The following SLC26A3 variants were observed in gnomAD, a reference collection of about 807,000 sequenced individuals.
SLC26A3 encodes the protein solute carrier family 26 member 3, also known as chloride anion exchanger.
SLC26A3 carries 64 observed loss-of-function variants against 85.6 expected under a neutral mutation model. The observed-to-expected ratio is 0.75, with a 90% confidence interval of 0.61 to 0.92. SLC26A3 has a LOEUF of 0.92. SLC26A3 is among the 40% of genes least tolerant of loss of function. The pLI is 0.00. For synonymous variants in SLC26A3, 349 were observed against 336.0 expected (o/e 1.04, Z -0.42); for missense variants, 922 against 927.3 (o/e 0.99, Z 0.07).
chr7:107,793,433 T>C (rs775851835), intron 3 of SLC26A3, among the ~76,000 whole-genome samples: 6 of 152,156 alleles, frequency 3.9e-5, no homozygotes, highest in Non-Finnish European at 7.3e-5. Context: ...GAAGTACCAA[T>C]ACATGCTACA....
intron 16 of SLC26A3, 21 bp from the exon 17 acceptor site, chr7:107,774,174 T>G: frequency 6.4e-7 from 1 of 1,566,140 alleles, no homozygotes; most frequent in Non-Finnish European, 8.8e-7. Context: ...GGATAACAAG[T>G]ATGAAAACTG....
In SLC26A3 at chr7:107,778,412, A is replaced by ATTT. The variant is rs1284600991; in HGVS notation, c.1408-134_1408-132dup. 31 of 639,160 alleles carry ATTT rather than the reference A, an allele frequency of 4.9e-5. No individual in the cohort carries two copies. In the African/African-American group the frequency reaches 6.2e-4, roughly 13 times the overall value. The allele number at this position is 639,160 out of a possible 1,614,324, so 39.6% of individuals were successfully genotyped here. ...GTGAGACCTTGTCCCTATAAAAAAAATTTAAAAATTTGCCAGACGTGGTGG... is the reference window on the plus strand; with the variant it reads ...GTGAGACCTTGTCCCTATAAAAAAAATTTTTTAAAAATTTGCCAGACGTGGTGG... On this transcript the variant is annotated intron_variant, in intron 12 of 20. Coordinates refer to ENST00000340010, the MANE Select transcript of SLC26A3 (RefSeq NM_000111.3).
In SLC26A3 at chr7:107,765,896, G is replaced by A; in HGVS notation, c.2272-18C>T. The A allele has an allele frequency of 1.2e-6, 2 of 1,606,934 alleles. No homozygotes were observed. The highest frequency in any genetic ancestry group is 1.7e-6 in the Non-Finnish European group (2 of 1,173,980). ...ACTGGCACCTGGAAGAAGACAGAAAGTTCTTGTTTTAAAATACTCGTCAAG... is the reference window on the plus strand; with the variant it reads ...ACTGGCACCTGGAAGAAGACAGAAAATTCTTGTTTTAAAATACTCGTCAAG... On this transcript the variant is annotated intron_variant, in intron 20 of 20. Coordinates refer to ENST00000340010, the MANE Select transcript of SLC26A3 (RefSeq NM_000111.3).
Position 107,782,668 on chromosome 7 carries a change from G to T in SLC26A3, c.1311+129C>A, listed in dbSNP as rs150801503. The T allele has an allele frequency of 3.2e-4, 296 of 912,274 alleles. No homozygotes were observed. In the African/African-American group the frequency reaches 4.0e-3, roughly 12 times the overall value. The allele number at this position is 912,274 out of a possible 1,614,324, so 56.5% of individuals were successfully genotyped here. ...TATTTTTGGCTCATACAGAGTATTG[G>T]CTAAGAAGAGTACTTGAGAGTTTGT... On this transcript the variant is annotated intron_variant, in intron 11 of 20. Transcript: ENST00000340010.
chr7:107,783,879 C>T (rs981306897), intron 8 of SLC26A3, among the ~76,000 whole-genome samples: 1 of 152,190 alleles, frequency 6.6e-6, no homozygotes. Context: ...CTAGAGACAA[C>T]CATGACCCTA....
At chr7:107,770,611 T>G (rs1318424394) in intron 18 of SLC26A3, among the ~76,000 whole-genome samples, 1 of 152,172 alleles carries the variant, frequency 6.6e-6, no homozygotes, top group Non-Finnish European at 1.5e-5. Flanking sequence ...TGAAATATGC[T>G]TTTGTTTGTT....
At chr7:107,765,965 G>T in intron 20 of SLC26A3, 87 bp from the exon 21 acceptor site, 2 of 1,128,844 alleles carry the variant, frequency 1.8e-6, no homozygotes, top group African/African-American at 1.6e-5. Flanking sequence ...ATTTACCAGA[G>T]TTAACAGGTT....
chr7:107,776,808 A>C, intron 13 of SLC26A3, 102 bp from the exon 14 acceptor site: 1 of 1,024,666 alleles, frequency 9.8e-7, no homozygotes, highest in Non-Finnish European at 1.5e-6. Context: ...CTCACTTTTC[A>C]AAATGTAAAA....
chr7:107,791,272 C>T (rs1227134481), intron 4 of SLC26A3, 37 bp from the exon 5 acceptor site: 1 of 1,578,194 alleles, frequency 6.3e-7, no homozygotes, highest in East Asian at 2.2e-5. Context: ...CAGTATATGC[C>T]TCTCTAAAGC....
Position 107,765,849 on chromosome 7 carries a change from T to C in SLC26A3, c.*6A>G. 1 of 1,608,058 alleles carries C rather than the reference T, an allele frequency of 6.2e-7. No individual in the cohort carries two copies. The highest frequency in any genetic ancestry group is 8.5e-7 in the Non-Finnish European group (1 of 1,174,844). On this transcript the variant is annotated 3_prime_UTR_variant, in exon 21 of 21. Transcript: ENST00000340010. Reference sequence around the variant, plus strand: ...CAGATGAAGATCCTTCTGAATTATATGTTGATTAGAATTTTGTTTCAACTG... The same window carrying C: ...CAGATGAAGATCCTTCTGAATTATACGTTGATTAGAATTTTGTTTCAACTG...
chr7:107,769,399 A>C (rs1038674614), intron 18 of SLC26A3, among the ~76,000 whole-genome samples: 1 of 152,010 alleles, frequency 6.6e-6, no homozygotes, highest in Non-Finnish European at 1.5e-5. Context: ...AAAACATATA[A>C]AAAAATTAAA....
chr7:107,797,650 C>T (rs920278739), intron 1 of SLC26A3, among the ~76,000 whole-genome samples: 2 of 152,048 alleles, frequency 1.3e-5, no homozygotes, highest in African/African-American at 4.8e-5. Context: ...ATCAACTACC[C>T]CAATGGTGCC....
intron 11 of SLC26A3, among the ~76,000 whole-genome samples, chr7:107,782,473 T>C (rs1179614156): frequency 6.6e-6 from 1 of 152,114 alleles, no homozygotes; most frequent in East Asian, 1.9e-4. Context: ...CCTTAACCTT[T>C]AAGAAAACCT....
At chr7:107,787,879 T>C (rs1794324878) in intron 6 of SLC26A3, among the ~76,000 whole-genome samples, 1 of 152,238 alleles carries the variant, frequency 6.6e-6, no homozygotes, top group Non-Finnish European at 1.5e-5. Context: ...CACTACTCTG[T>C]CCAGGGAATA....
intron 20 of SLC26A3, 37 bp from the exon 21 acceptor site, chr7:107,765,915 C>T (rs377315462): frequency 1.1e-5 from 18 of 1,585,512 alleles, no homozygotes; most frequent in East Asian, 2.2e-5. Context: ...TTAAAATACT[C>T]GTCAAGTTCT....
rs374927524 is a variant in SLC26A3, at chr7:107,791,081, C to A, written c.537G>T (p.Ala179=). 1 of 1,613,992 alleles carries A rather than the reference C, an allele frequency of 6.2e-7. No homozygotes were observed. Residue 179 remains alanine, a synonymous_variant, in exon 5 of 21, where the codon GCG becomes GCT. Coordinates refer to ENST00000340010, the MANE Select transcript of SLC26A3 (RefSeq NM_000111.3). ...LDDERVRVAA[A]ASVTVLSGII... ...TTCCAGAAAGCACTGTGACTGATGC[C>A]GCCGCCGCCACCCTCACCCTCTCGT...
chr7:107,770,631 G>A (rs960221685), intron 18 of SLC26A3, among the ~76,000 whole-genome samples: 3 of 152,102 alleles, frequency 2.0e-5, no homozygotes, highest in South Asian at 2.1e-4. Flanking sequence ...TTATTATGTG[G>A]CTTTTCTATG....
At chr7:107,793,124 A>G (rs1794430525) in intron 3 of SLC26A3, among the ~76,000 whole-genome samples, 1 of 152,210 alleles carries the variant, frequency 6.6e-6, no homozygotes, top group South Asian at 2.1e-4. Context: ...CTGAACCCTC[A>G]TACACTGCTA....
chr7:107,799,434 A>G (rs2115907635), intron 1 of SLC26A3, among the ~76,000 whole-genome samples: 1 of 151,748 alleles, frequency 6.6e-6, no homozygotes, highest in East Asian at 1.9e-4. Flanking sequence ...CCCAGGGTGG[A>G]GGCTGGAGTG....
Sources: gnomAD v4.1 joint callset for allele counts (sites outside exome capture counted in the v4.1 genomes callset) on GRCh38, gnomAD v4.1.1 for gene constraint, MANE v1.5 for transcripts, NCBI Gene and HGNC (gene_info 2026-07-23, HGNC 2026-07-21) for gene names.